The following STARD9 variants were observed in gnomAD, a reference collection of about 807,000 sequenced individuals.
The protein encoded by STARD9 is stAR-related lipid transfer protein 9.
A neutral mutation model predicts 399.8 loss-of-function variants in STARD9; 346 were observed. That is an observed-to-expected ratio of 0.87 (90% confidence interval 0.79 to 0.95). STARD9 has a LOEUF of 0.95. Ranked by LOEUF, STARD9 falls within the 40% of genes least tolerant of loss-of-function variation. The probability of loss-of-function intolerance (pLI) is 0.00; values close to 1 mark genes in which losing one functional copy is unlikely to be tolerated. For missense variants in STARD9, 5,832 were observed against 5,667.5 expected, an observed-to-expected ratio of 1.03 and a Z score of -0.93; for synonymous variants, 2,203 against 2,143.5, an observed-to-expected ratio of 1.03 and a Z score of -0.77.
At position 42,665,808 on chromosome 15, in the gene STARD9, A is replaced by G. The variant is rs2060089628; in HGVS notation, c.1277A>G (p.Asp426Gly). The G allele has an allele frequency of 2.0e-6, 3 of 1,537,122 alleles. No individual in the cohort carries two copies. The highest frequency in any genetic ancestry group is 1.7e-6 in the Non-Finnish European group (2 of 1,146,878). ...FELRNFSSLS[D>G]ENLKELVLQN... ...CAGAGAAACTTCAGTTCATTGAGTG[A>G]TGAAAACCTGAAGGAGCTGGTTCTC... Residue 426 changes from aspartate (D) to glycine (G), a missense_variant, in exon 15 of 33, where the codon GAT (aspartate) becomes GGT (glycine). Transcript: ENST00000290607.
intron 3 of STARD9, among the ~76,000 whole-genome samples, chr15:42,631,930 A>G (rs959978861): frequency 1.3e-5 from 2 of 152,160 alleles, no homozygotes; most frequent in Admixed American, 6.5e-5. Flanking sequence ...ATTGGATGAA[A>G]TGTTCTGTAA....
chr15:42,711,578 A>G (rs528455861), intron 26 of STARD9, among the ~76,000 whole-genome samples: 1 of 152,322 alleles, frequency 6.6e-6, no homozygotes, highest in South Asian at 2.1e-4. Context: ...CTGGGAAAAT[A>G]CTTCAACATA....
Position 42,703,625 on chromosome 15 carries a change from G to A in STARD9, c.13284+7745G>A, listed in dbSNP as rs564929844. On this transcript the variant is annotated intron_variant, in intron 26 of 32. Transcript: ENST00000290607. ...CCTGACCTCATGATCCACCCACCTC[G>A]GCCTCCCAAAATACTAGGATTACAG... is the stretch of plus-strand genomic sequence containing the variant. Among the ~76,000 whole-genome samples the A allele has an allele frequency of 4.4e-4, 67 of 150,696 alleles. 1 individual carries two copies. The highest frequency in any genetic ancestry group is 1.6e-3 in the African/African-American group (64 of 40,962).
At position 42,695,211 on chromosome 15, in the gene STARD9, A is replaced by C; in HGVS notation, c.13034A>C (p.Gln4345Pro). ...DIELMLQDYQ[Q>P]AHEEAKVEIA... is the part of the protein sequence containing the mutation. ...GAGTTGATGCTGCAAGACTACCAGCAGGCCCATGAGGAGGCCAAGGTGGAG... is the reference window on the plus strand; with the variant it reads ...GAGTTGATGCTGCAAGACTACCAGCCGGCCCATGAGGAGGCCAAGGTGGAG... Residue 4345 changes from glutamine to proline, a missense_variant, in exon 25 of 33, where the codon CAG (glutamine) becomes CCG (proline). Around this residue, in one of 2 missense-constraint regions of STARD9, gnomAD observed 5,828 missense variants for 5,651.1 expected, o/e 1.03. Coordinates refer to ENST00000290607, the MANE Select transcript of STARD9 (RefSeq NM_020759.3). The C allele has an allele frequency of 6.5e-7, 1 of 1,537,192 alleles. No homozygotes were observed.
At chr15:42,616,415 C>G (rs777261076) in intron 3 of STARD9, among the ~76,000 whole-genome samples, 2 of 152,122 alleles carry the variant, frequency 1.3e-5, no homozygotes, top group Non-Finnish European at 2.9e-5. Flanking sequence ...AAGTAAGGAA[C>G]CTTGAGGAAC....
At chr15:42,669,480 A>G (rs1450717728) in intron 16 of STARD9, 143 bp downstream of exon 16, 4 of 650,492 alleles carry the variant, frequency 6.1e-6, no homozygotes, top group Non-Finnish European at 7.4e-6. Flanking sequence ...GCTCTCAGGA[A>G]ACGTCTACCT....
In STARD9 at chr15:42,663,508, G is replaced by A. The variant is rs1274772467; in HGVS notation, c.1078+18G>A. On this transcript the variant is annotated intron_variant, in intron 12 of 32. Transcript: ENST00000290607. Reference sequence around the variant, plus strand: ...GGTTGCCAGTGAGTGGGATGCCAGAGCTGGACCTGTGTTGGGACTGGTACT... The same window carrying A: ...GGTTGCCAGTGAGTGGGATGCCAGAACTGGACCTGTGTTGGGACTGGTACT... The A allele has an allele frequency of 2.6e-6, 4 of 1,536,690 alleles. No homozygotes were observed. The South Asian group carries it at 4.8e-5, about 18-fold the overall frequency.
At chr15:42,661,910 G>A (rs2060000780) in intron 10 of STARD9, among the ~76,000 whole-genome samples, 1 of 152,146 alleles carries the variant, frequency 6.6e-6, no homozygotes, top group Non-Finnish European at 1.5e-5. Context: ...CTCAGTGAAG[G>A]TAACTGAATT....
Position 42,669,141 on chromosome 15 carries a change from C to G in STARD9, c.1318-17C>G, listed in dbSNP as rs557768767. ...CCCCATGCTGAGTGTCTCAGATCAC[C>G]TCCTATACCTCTGCAGATAGACCAG... On this transcript the variant is annotated splice_polypyrimidine_tract_variant and intron_variant, in intron 15 of 32. Coordinates refer to ENST00000290607, the MANE Select transcript of STARD9 (RefSeq NM_020759.3). 7.7e-5 allele frequency: 117 copies of G among 1,517,050 alleles called. No individual in the cohort carries two copies. The highest frequency in any genetic ancestry group is 6.4e-4 in the South Asian group (53 of 82,944). 94.0% of individuals were successfully genotyped at this position (1,517,050 alleles called of 1,614,324 possible).
chr15:42,589,962 T>TC (rs2058361898), intron 3 of STARD9, among the ~76,000 whole-genome samples: 2 of 146,284 alleles, frequency 1.4e-5, no homozygotes, highest in East Asian at 2.0e-4. Context: ...CTTTTTTTTT[T>TC]TTTTTTTTTT....
chr15:42,630,458 T>C (rs1705356), intron 3 of STARD9, among the ~76,000 whole-genome samples: 106,124 of 152,010 alleles, frequency 0.7, 38,840 homozygotes, highest in East Asian at 0.89. Context: ...CCTTAAAAGA[T>C]GAGTTTGCAA....
intron 10 of STARD9, among the ~76,000 whole-genome samples, chr15:42,661,786 C>T (rs928302373): frequency 2.0e-5 from 3 of 152,032 alleles, no homozygotes; most frequent in Non-Finnish European, 1.5e-5. Context: ...CTCCCCATAC[C>T]TACATCTCAG....
intron 17 of STARD9, 126 bp downstream of exon 17, chr15:42,674,617 T>C: frequency 8.4e-7 from 1 of 1,194,284 alleles, no homozygotes; most frequent in East Asian, 2.6e-5. Context: ...CCTGCTTCTC[T>C]TTCTGCTGCT....
intron 9 of STARD9, among the ~76,000 whole-genome samples, 164 bp from the exon 10 acceptor site, chr15:42,660,994 A>G (rs1328122022): frequency 6.8e-6 from 1 of 147,048 alleles, no homozygotes; most frequent in Non-Finnish European, 1.5e-5. Flanking sequence ...TATTGATTTT[A>G]TCTGTCAGAT....
Position 42,691,844 on chromosome 15 carries a change from G to A in STARD9, c.10266G>A (p.Thr3422=), listed in dbSNP as rs558129211. 12 of 1,537,174 alleles carry A rather than the reference G, an allele frequency of 7.8e-6. No individual in the cohort carries two copies. Among genetic ancestry groups the A allele is most frequent in the African/African-American group, 4.1e-5 (3 of 73,126 alleles). The change falls in exon 23 of 33, where the codon ACG becomes ACA. Residue 3422 remains threonine, a synonymous_variant. Transcript: ENST00000290607. ...CACACATGCCAACCCCTGATTTCAC[G>A]ACCAGCTGGATGTCTGGTACTTTGG... The part of the protein sequence containing the change: ...TLSHMPTPDF[T]TSWMSGTLEQ...
At chr15:42,634,329 A>G (rs774025033) in intron 3 of STARD9, among the ~76,000 whole-genome samples, 2 of 152,188 alleles carry the variant, frequency 1.3e-5, no homozygotes, top group Non-Finnish European at 2.9e-5. Flanking sequence ...GCAGGGGTAA[A>G]TGACCAGCAG....
intron 7 of STARD9, among the ~76,000 whole-genome samples, chr15:42,641,041 A>C (rs1238928672): frequency 1.3e-5 from 2 of 152,182 alleles, no homozygotes; most frequent in African/African-American, 4.8e-5. Flanking sequence ...CTGTATATCA[A>C]GAACCTGGAA....
rs1184800638 is a variant in STARD9, at chr15:42,684,118, T to A, written c.2540T>A (p.Ile847Asn). Reference protein sequence around the residue: ...CSKHMPQLHSIFLSWDPSTTL... With the variant: ...CSKHMPQLHSNFLSWDPSTTL... ...GATAGCTTTCCTTGTCTTCACAGCATTTTCCTAAGTTGGGATCCCTCTACC... is the reference window on the plus strand; with the variant it reads ...GATAGCTTTCCTTGTCTTCACAGCAATTTCCTAAGTTGGGATCCCTCTACC... Residue 847 changes from isoleucine (I) to asparagine (N), a missense_variant and splice_region_variant, in exon 23 of 33, where the codon ATT (isoleucine) becomes AAT (asparagine). This residue lies in a region of STARD9 where 5,828 missense variants were observed against 5,651.1 expected (regional missense o/e 1.03). Transcript: ENST00000290607. 2.0e-6 allele frequency: 3 copies of A among 1,523,082 alleles called. No individual in the cohort carries two copies. The highest frequency in any genetic ancestry group is 2.6e-6 in the Non-Finnish European group (3 of 1,136,546). 94.3% of individuals were successfully genotyped at this position (1,523,082 alleles called of 1,614,324 possible).
At position 42,687,911 on chromosome 15, in the gene STARD9, G is replaced by T. The variant is rs1359227519; in HGVS notation, c.6333G>T (p.Lys2111Asn). ...GCTCTGGAAACCCTTTGCCCTCTAAGGATCAGCCATCTTCTCCAAGACAGA... is the reference window on the plus strand; with the variant it reads ...GCTCTGGAAACCCTTTGCCCTCTAATGATCAGCCATCTTCTCCAAGACAGA... ...PDSSGNPLPS[K>N]DQPSSPRQTD... is the part of the protein sequence containing the mutation. Residue 2111 changes from lysine to asparagine, a missense_variant, in exon 23 of 33, where the codon AAG becomes AAT. Physicochemically the swap from Lys to Asn is moderately conservative, Grantham distance 94. This residue lies in a region of STARD9 where 5,828 missense variants were observed against 5,651.1 expected (regional missense o/e 1.03). Coordinates refer to ENST00000290607, the MANE Select transcript of STARD9 (RefSeq NM_020759.3). The T allele has an allele frequency of 1.3e-6, 2 of 1,537,252 alleles. No homozygotes were observed. Among genetic ancestry groups the T allele is most frequent in the Non-Finnish European group, 8.7e-7 (1 of 1,146,936 alleles).
Sources: allele counts gnomAD v4.1 joint callset (sites outside exome capture counted in the v4.1 genomes callset), GRCh38; gene constraint gnomAD v4.1.1; regional missense constraint gnomAD v4.1.1; transcripts MANE v1.5; gene names NCBI Gene and HGNC (gene_info 2026-07-23, HGNC 2026-07-21).